Variants in FAM20A observed in about 807,000 individuals in gnomAD.
The protein encoded by FAM20A is pseudokinase FAM20A.
FAM20A carries 42 observed loss-of-function variants against 52.0 expected under a neutral mutation model. That is an observed-to-expected ratio of 0.81 (90% confidence interval 0.63 to 1.04). The LOEUF (loss-of-function observed/expected upper bound fraction) is 1.04. Among genes scored for constraint, FAM20A ranks in the 50% least tolerant of loss-of-function variants. FAM20A has a pLI of 0.00. For missense variants in FAM20A, 742 were observed against 712.7 expected (o/e 1.04, Z -0.47); for synonymous variants, 304 against 298.9 (o/e 1.02, Z -0.18).
intron 1 of FAM20A, among the ~76,000 whole-genome samples, chr17:68,570,934 A>AC (rs940486297): frequency 1.8e-4 from 27 of 152,120 alleles, no homozygotes; most frequent in African/African-American, 6.5e-4. Flanking sequence ...AATTATTTGA[A>AC]CCCCTGTACA....
At chr17:68,557,957 CGTTGATGGCATT>C (rs1205063606) in intron 1 of FAM20A, among the ~76,000 whole-genome samples, 1 of 152,140 alleles carries the variant, frequency 6.6e-6, no homozygotes, top group Admixed American at 6.5e-5. Context: ...GATTATGCTG[CGTTGATGGCATT>C]GTTGAATTTA....
intron 1 of FAM20A, among the ~76,000 whole-genome samples, chr17:68,565,718 T>G (rs1286851964): frequency 6.6e-6 from 1 of 152,036 alleles, no homozygotes. Context: ...AATTTTCCCC[T>G]TTTTTTCTGT....
chr17:68,562,061 T>G (rs1568752100), intron 1 of FAM20A, among the ~76,000 whole-genome samples: 1 of 152,156 alleles, frequency 6.6e-6, no homozygotes, highest in Non-Finnish European at 1.5e-5. Context: ...TCATCTCAGG[T>G]GATCCACCCG....
At chr17:68,550,416 T>C (rs1482835343) in intron 4 of FAM20A, among the ~76,000 whole-genome samples, 3 of 134,174 alleles carry the variant, frequency 2.2e-5, no homozygotes, top group African/African-American at 8.2e-5. Flanking sequence ...AGTCTCCCTC[T>C]GTTGCCCAGG....
At chr17:68,569,633 A>G (rs2087481120) in intron 1 of FAM20A, among the ~76,000 whole-genome samples, 1 of 152,256 alleles carries the variant, frequency 6.6e-6, no homozygotes, top group African/African-American at 2.4e-5. Flanking sequence ...CTAAGTAGCC[A>G]CATGTAACTA....
chr17:68,579,047 A>G (rs2087866050), intron 1 of FAM20A, among the ~76,000 whole-genome samples: 1 of 150,948 alleles, frequency 6.6e-6, no homozygotes, highest in African/African-American at 2.4e-5. Context: ...AGGCTCAGTG[A>G]AGGCATTTGC....
At position 68,555,566 on chromosome 17, in the gene FAM20A, G is replaced by C; in HGVS notation, c.582C>G (p.Ile194Met). Reference protein sequence around the residue: ...LLQDMRHFPTISADYSQDEKA... With the variant: ...LLQDMRHFPTMSADYSQDEKA... ...TGATCCCATGAACCTTACCAGCACT[G>C]ATGGTGGGAAAGTGCCTCATGTCTT... Residue 194 changes from isoleucine to methionine, a missense_variant, in exon 2 of 11, where the codon ATC becomes ATG. Physicochemically the swap from Ile to Met is conservative, Grantham distance 10. Coordinates refer to ENST00000592554, the MANE Select transcript of FAM20A (RefSeq NM_017565.4). 6.2e-7 allele frequency: 1 copy of C among 1,612,798 alleles called. No individual in the cohort carries two copies. Among genetic ancestry groups the C allele is most frequent in the Non-Finnish European group, 8.5e-7 (1 of 1,180,028 alleles).
intron 1 of FAM20A, among the ~76,000 whole-genome samples, chr17:68,562,363 G>A (rs1445777246): frequency 6.6e-6 from 1 of 152,170 alleles, no homozygotes; most frequent in East Asian, 1.9e-4. Flanking sequence ...TGTAGAGTGG[G>A]TCTTTTTCTT....
chr17:68,556,578 A>AGG (rs983293788), intron 1 of FAM20A, among the ~76,000 whole-genome samples: 2 of 94,310 alleles, frequency 2.1e-5, no homozygotes, highest in Non-Finnish European at 4.5e-5. Context: ...CGGGGCAGGG[A>AGG]GGGGGGGTGG....
In FAM20A at chr17:68,600,165, G is replaced by T; in HGVS notation, c.404+98C>A. ...GGCTGGAGCCGTGGGTGGAGCCGCT[G>T]CAGCCCTGGGCCGGGGGCGTCAGGA... is the stretch of plus-strand genomic sequence containing the variant. On this transcript the variant is annotated intron_variant, in intron 1 of 10. Coordinates refer to ENST00000592554, the MANE Select transcript of FAM20A (RefSeq NM_017565.4). This position sits in a 1 kb window ranked among gnomAD's most constrained non-coding sequence, Gnocchi z 6.2. 2 of 1,387,540 alleles carry T rather than the reference G, an allele frequency of 1.4e-6. No homozygotes were observed. The highest frequency in any genetic ancestry group is 1.9e-6 in the Non-Finnish European group (2 of 1,034,128). 86.0% of individuals were successfully genotyped at this position (1,387,540 alleles called of 1,614,324 possible).
At chr17:68,581,313 C>T (rs576419782) in intron 1 of FAM20A, among the ~76,000 whole-genome samples, 7 of 150,744 alleles carry the variant, frequency 4.6e-5, no homozygotes, top group Admixed American at 1.3e-4. Flanking sequence ...TGTTGAGTTT[C>T]GGCTCTGGAG....
chr17:68,554,029 TACACAC>T (rs1428428164), intron 3 of FAM20A, among the ~76,000 whole-genome samples: 2 of 89,556 alleles, frequency 2.2e-5, no homozygotes, highest in African/African-American at 9.4e-5. Context: ...TATACATATA[TACACAC>T]ATGCATATAT....
At chr17:68,538,410 C>T (rs949304225) in intron 10 of FAM20A, among the ~76,000 whole-genome samples, 2 of 152,226 alleles carry the variant, frequency 1.3e-5, no homozygotes, top group African/African-American at 4.8e-5. Context: ...TACTCATGCT[C>T]TACTCCGAGT....
intron 1 of FAM20A, among the ~76,000 whole-genome samples, chr17:68,578,006 C>G (rs1408487764): frequency 1.4e-5 from 2 of 146,644 alleles, no homozygotes; most frequent in Non-Finnish European, 3.0e-5. Flanking sequence ...TTTCACACAC[C>G]ACACACACAC....
rs1186001264 is a variant in FAM20A, at chr17:68,535,575, TG to T, written c.*1901del. ...ATCTTGAAGCAGGAGAGACAGTGAA[TG>T]AAGTGGGGAGCCCTATGCTGCAGTA... On this transcript the variant is annotated 3_prime_UTR_variant, in exon 11 of 11. Transcript: ENST00000592554. The T allele has an allele frequency of 1.5e-5, 7 of 453,938 alleles. No homozygotes were observed. Among genetic ancestry groups the T allele is most frequent in the Non-Finnish European group, 2.6e-5 (6 of 226,792 alleles). The allele number at this position is 453,938 out of a possible 1,614,324, so 28.1% of individuals were successfully genotyped here.
chr17:68,537,551 G>C lies in FAM20A; in HGVS notation c.1552C>G (p.Gln518Glu), dbSNP rs760125148. ...GGGCCGTCGACTATGACACTCTGCTGTCCATGGGCCACTATGCACCCCTCC... is the reference window on the plus strand; with the variant it reads ...GGGCCGTCGACTATGACACTCTGCTCTCCATGGGCCACTATGCACCCCTCC... Reference protein sequence around the residue: ...TVEGCIVAHGQQSVIVDGPVE... With the variant: ...TVEGCIVAHGEQSVIVDGPVE... Residue 518 changes from glutamine (Q) to glutamate (E), a missense_variant, in exon 11 of 11, where the codon CAG (glutamine) becomes GAG (glutamate). Gln to Glu is a conservative substitution (Grantham distance 29). Coordinates refer to ENST00000592554, the MANE Select transcript of FAM20A (RefSeq NM_017565.4). The surrounding 1 kb of genome is among the most constrained non-coding windows in gnomAD (Gnocchi z 4.2). 1.1e-5 allele frequency: 17 copies of C among 1,613,594 alleles called. No homozygotes were observed. The East Asian group carries it at 3.8e-4, about 36-fold the overall frequency.
At chr17:68,549,562 T>A (rs1418783780) in intron 4 of FAM20A, among the ~76,000 whole-genome samples, 2 of 152,116 alleles carry the variant, frequency 1.3e-5, no homozygotes, top group Non-Finnish European at 2.9e-5. Flanking sequence ...GAACAGAATC[T>A]ATGGACCTGG....
chr17:68,541,782 T>C, intron 7 of FAM20A: 1 of 582,386 alleles, frequency 1.7e-6, no homozygotes, highest in South Asian at 2.3e-5. Flanking sequence ...GTGTTGGGTA[T>C]ATGGAAGGTT....
At chr17:68,572,159 C>T (rs943680641) in intron 1 of FAM20A, among the ~76,000 whole-genome samples, 4 of 151,176 alleles carry the variant, frequency 2.6e-5, no homozygotes, top group African/African-American at 9.7e-5. Context: ...TGGGCTCAAG[C>T]CATTCACCTG....
Sources: allele counts gnomAD v4.1 joint callset (sites outside exome capture counted in the v4.1 genomes callset), GRCh38; gene constraint gnomAD v4.1.1; non-coding constraint Gnocchi (gnomAD v3.1); transcripts MANE v1.5; gene names NCBI Gene and HGNC (gene_info 2026-07-23, HGNC 2026-07-21).